Variants in SLC27A6 observed in about 807,000 individuals in gnomAD.
The protein encoded by SLC27A6 is long-chain fatty acid transport protein 6.
Under a neutral mutation model 63.9 loss-of-function variants are expected in SLC27A6, and 74 were observed. That is an observed-to-expected ratio of 1.16 (90% confidence interval 0.96 to 1.40). The LOEUF (loss-of-function observed/expected upper bound fraction) is 1.40. Ranked by LOEUF, SLC27A6 falls within the 40% of genes most tolerant of loss-of-function variation. The pLI is 0.00. For missense variants in SLC27A6, 794 were observed against 732.9 expected (o/e 1.08, Z -0.96); for synonymous variants, 287 against 260.8 (o/e 1.10, Z -0.97).
chr5:129,005,608 AT>A (rs34048257), intron 4 of SLC27A6, among the ~76,000 whole-genome samples: 20,669 of 97,860 alleles, frequency 0.21, 559 homozygotes, highest in Non-Finnish European at 0.28. Context: ...GTCTGGTTGT[AT>A]TTTTTTTTTT....
At position 129,033,322 on chromosome 5, in the gene SLC27A6, G is replaced by A. The variant is rs1254201940; in HGVS notation, c.*40G>A. 2.4e-6 allele frequency: 3 copies of A among 1,238,790 alleles called. No individual in the cohort carries two copies. The highest frequency in any genetic ancestry group is 2.3e-6 in the Non-Finnish European group (2 of 885,132). The allele number at this position is 1,238,790 out of a possible 1,614,324, so 76.7% of individuals were successfully genotyped here. The stretch of plus-strand genomic sequence containing the variant: ...GAACTTTCATATGCTTTCTTAGGAA[G>A]AGTGAGAGGGGGGTATATGATTCTT... On this transcript the variant is annotated 3_prime_UTR_variant, in exon 10 of 10. Coordinates refer to ENST00000262462, the MANE Select transcript of SLC27A6 (RefSeq NM_001017372.3).
intron 5 of SLC27A6, among the ~76,000 whole-genome samples, chr5:129,021,377 T>C (rs1250536221): frequency 1.3e-5 from 2 of 152,096 alleles, no homozygotes; most frequent in African/African-American, 4.8e-5. Flanking sequence ...TACTTTTCTC[T>C]CAGTTCAGAG....
At chr5:128,989,617 C>G (rs1281730050) in intron 3 of SLC27A6, among the ~76,000 whole-genome samples, 1 of 152,132 alleles carries the variant, frequency 6.6e-6, no homozygotes, top group African/African-American at 2.4e-5. Flanking sequence ...ACCTTACTAA[C>G]AGTTGACCTC....
At chr5:128,982,923 G>A (rs258000) in intron 1 of SLC27A6, among the ~76,000 whole-genome samples, 100,606 of 152,094 alleles carry the variant, frequency 0.66, 33,944 homozygotes, top group East Asian at 0.88. Flanking sequence ...TAATTTCTGT[G>A]TTGCCTTCTA....
chr5:128,968,721 C>T (rs1458871052), intron 1 of SLC27A6, among the ~76,000 whole-genome samples: 1 of 152,034 alleles, frequency 6.6e-6, no homozygotes, highest in Non-Finnish European at 1.5e-5. Context: ...GTTGCCTGTT[C>T]ACTCTGATGG....
chr5:129,016,410 A>AAG (rs1751897632), intron 5 of SLC27A6, among the ~76,000 whole-genome samples: 1 of 146,452 alleles, frequency 6.8e-6, no homozygotes, highest in Non-Finnish European at 1.5e-5. Context: ...AAAAAAAAAA[A>AAG]AAAAAAAAGG....
intron 4 of SLC27A6, among the ~76,000 whole-genome samples, chr5:128,997,657 TC>T (rs1298401329): frequency 2.6e-5 from 4 of 152,226 alleles, no homozygotes; most frequent in Admixed American, 1.3e-4. Context: ...AATATACACA[TC>T]TTTTTCTATC....
chr5:129,004,713 C>A lies in SLC27A6; in HGVS notation c.970-11172C>A, dbSNP rs551837867. Among the ~76,000 whole-genome samples the A allele has an allele frequency of 2.0e-5, 3 of 152,318 alleles. No homozygotes were observed. In the East Asian group the frequency reaches 5.8e-4, roughly 29 times the overall value. ...TTGAGAAGTGGAGTTTTAAAAATTACAGATGGATATTACCAAGATTTGGTT... is the reference window on the plus strand; with the variant it reads ...TTGAGAAGTGGAGTTTTAAAAATTAAAGATGGATATTACCAAGATTTGGTT... On this transcript the variant is annotated intron_variant, in intron 4 of 9. Transcript: ENST00000262462.
At chr5:129,017,798 C>G (rs1186081845) in intron 5 of SLC27A6, among the ~76,000 whole-genome samples, 1 of 152,078 alleles carries the variant, frequency 6.6e-6, no homozygotes, top group Non-Finnish European at 1.5e-5. Context: ...AGTATTGACT[C>G]AAGAATTATT....
intron 1 of SLC27A6, among the ~76,000 whole-genome samples, chr5:128,982,413 CA>C (rs1277710921): frequency 6.6e-6 from 1 of 152,148 alleles, no homozygotes; most frequent in Non-Finnish European, 1.5e-5. Context: ...GGTAAATACT[CA>C]GTTTCTTTGG....
intron 1 of SLC27A6, among the ~76,000 whole-genome samples, chr5:128,973,173 A>G (rs2577440): frequency 0.24 from 36,565 of 151,916 alleles, 4,921 homozygotes; most frequent in Middle Eastern, 0.33. Flanking sequence ...GCTTGTATGC[A>G]GTGTCAGTTG....
chr5:129,030,714 A>T (rs1752390538), intron 9 of SLC27A6, among the ~76,000 whole-genome samples: 1 of 152,018 alleles, frequency 6.6e-6, no homozygotes, highest in South Asian at 2.1e-4. Context: ...ATAAGAGAGA[A>T]CTTGTATATC....
chr5:128,968,013 T>C (rs1353915009), intron 1 of SLC27A6, among the ~76,000 whole-genome samples: 1 of 152,036 alleles, frequency 6.6e-6, no homozygotes, highest in Non-Finnish European at 1.5e-5. Context: ...CATGTGGTGT[T>C]TGGTTTTCTG....
rs1561615108 is a variant in SLC27A6 at position 128,985,168 on chromosome 5, C to A, written c.517C>A (p.Leu173Ile). 1.2e-6 allele frequency: 2 copies of A among 1,613,932 alleles called. No homozygotes were observed. Among genetic ancestry groups the A allele is most frequent in the Non-Finnish European group, 1.7e-6 (2 of 1,179,924 alleles). ...LGTVEEILPS[L>I]SENISVWGMK... The stretch of plus-strand genomic sequence containing the variant: ...AACGGTAGAAGAAATCCTTCCAAGC[C>A]TCTCAGAAAATATCAGTGTTTGGGG... Residue 173 changes from leucine to isoleucine, a missense_variant, in exon 2 of 10, where the codon CTC (leucine) becomes ATC (isoleucine). Leu to Ile is a conservative substitution (Grantham distance 5, BLOSUM62 2). Coordinates refer to ENST00000262462, the MANE Select transcript of SLC27A6 (RefSeq NM_001017372.3).
intron 7 of SLC27A6, 103 bp downstream of exon 7, chr5:129,027,434 G>A (rs528234132): frequency 3.6e-6 from 3 of 836,648 alleles, no homozygotes; most frequent in South Asian, 1.6e-5. Context: ...GGCAGACAGA[G>A]CCCTTTTATC....
At chr5:128,984,463 C>A (rs1176611458) in intron 1 of SLC27A6, among the ~76,000 whole-genome samples, 1 of 152,210 alleles carries the variant, frequency 6.6e-6, no homozygotes, top group Non-Finnish European at 1.5e-5. Context: ...TCACCAGTTG[C>A]TCCTTTGTTA....
chr5:129,031,378 A>T (rs566195235), intron 9 of SLC27A6, among the ~76,000 whole-genome samples: 1 of 152,200 alleles, frequency 6.6e-6, no homozygotes, highest in South Asian at 2.1e-4. Flanking sequence ...AAATTAAAAA[A>T]TGGAAGAAGC....
intron 5 of SLC27A6, among the ~76,000 whole-genome samples, chr5:129,022,966 AGGAGACATCCAATTTTT>A (rs2150153454): frequency 6.6e-6 from 1 of 152,208 alleles, no homozygotes; most frequent in Admixed American, 6.5e-5. Flanking sequence ...AAGGGATGAG[AGGAGACATCCAATTTTT>A]GGTTCTTGAT....
chr5:129,029,171 T>C (rs1580751855), intron 8 of SLC27A6, among the ~76,000 whole-genome samples: 1 of 152,224 alleles, frequency 6.6e-6, no homozygotes, highest in East Asian at 1.9e-4. Context: ...TACGAGTTTC[T>C]AGTTTCTTAA....
Sources: gnomAD v4.1 joint callset for allele counts (sites outside exome capture counted in the v4.1 genomes callset) on GRCh38, gnomAD v4.1.1 for gene constraint, MANE v1.5 for transcripts, NCBI Gene and HGNC (gene_info 2026-07-23, HGNC 2026-07-21) for gene names.